The following NRDC variants were observed in gnomAD, a reference collection of about 807,000 sequenced individuals.
NRDC encodes the protein nardilysin convertase.
NRDC carries 54 observed loss-of-function variants against 147.1 expected under a neutral mutation model. The observed-to-expected ratio is 0.37, with a 90% CI of 0.29 to 0.46. The LOEUF (loss-of-function observed/expected upper bound fraction) is 0.46, where lower values mean the gene tolerates loss of function less well. Ranked by LOEUF, NRDC falls within the 20% of genes least tolerant of loss-of-function variation. The pLI, the probability that NRDC is intolerant of heterozygous loss-of-function variation, is 1.00. For synonymous variants in NRDC, 440 were observed against 482.1 expected (o/e 0.91, Z 1.14); for missense variants, 1,082 against 1,370.6 (o/e 0.79, Z 3.33).
intron 1 of NRDC, among the ~76,000 whole-genome samples, chr1:51,873,755 C>T (rs868826858): frequency 6.6e-6 from 1 of 151,666 alleles, no homozygotes; most frequent in Admixed American, 6.6e-5. Context: ...AGATGATCCA[C>T]CCACCTCCGC....
At chr1:51,836,252 C>T (rs1463812550) in intron 2 of NRDC, 40 bp from the exon 3 acceptor site, 1 of 1,598,842 alleles carries the variant, frequency 6.3e-7, no homozygotes, top group Non-Finnish European at 8.6e-7. Flanking sequence ...TGAGTCAACC[C>T]TAAAGGAATA....
chr1:51,845,967 AAAG>A (rs1553213700), intron 1 of NRDC, among the ~76,000 whole-genome samples: 1 of 152,164 alleles, frequency 6.6e-6, no homozygotes, highest in Non-Finnish European at 1.5e-5. Context: ...TTTAAAAAAA[AAAG>A]AAAGCTATGT....
chr1:51,823,832 G>C, intron 6 of NRDC, 46 bp from the exon 7 acceptor site: 1 of 1,428,098 alleles, frequency 7.0e-7, no homozygotes. Flanking sequence ...AGTTAACTTT[G>C]TTAAAAGTCT....
At chr1:51,820,836 AG>A (rs1680178774) in intron 8 of NRDC, among the ~76,000 whole-genome samples, 1 of 152,182 alleles carries the variant, frequency 6.6e-6, no homozygotes, top group African/African-American at 2.4e-5. Context: ...TACTAAGTAC[AG>A]GAAGAAAGAT....
intron 19 of NRDC, among the ~76,000 whole-genome samples, chr1:51,804,169 T>C (rs575632498): frequency 1.3e-5 from 2 of 152,338 alleles, no homozygotes; most frequent in South Asian, 2.1e-4. Flanking sequence ...TCCCAATCTT[T>C]TTCATGTCAT....
At chr1:51,865,151 A>G (rs1682744222) in intron 1 of NRDC, among the ~76,000 whole-genome samples, 1 of 152,048 alleles carries the variant, frequency 6.6e-6, no homozygotes. Context: ...TTCAAAATAA[A>G]ATGAATTTTT....
intron 15 of NRDC, among the ~76,000 whole-genome samples, chr1:51,811,169 G>A (rs190818836): frequency 8.5e-5 from 13 of 152,214 alleles, no homozygotes; most frequent in African/African-American, 3.1e-4. Flanking sequence ...AAGAATGTGT[G>A]GTTGTTCCTT....
At chr1:51,811,331 A>G (rs1264396730) in intron 15 of NRDC, among the ~76,000 whole-genome samples, 3 of 152,236 alleles carry the variant, frequency 2.0e-5, no homozygotes, top group Non-Finnish European at 4.4e-5. Flanking sequence ...TCTGCATTAT[A>G]GGACATTGAG....
intron 4 of NRDC, among the ~76,000 whole-genome samples, chr1:51,833,395 C>T (rs1680804572): frequency 6.7e-6 from 1 of 149,082 alleles, no homozygotes; most frequent in Non-Finnish European, 1.5e-5. Context: ...TGGCCAATTG[C>T]ACCACAGCAC....
At chr1:51,858,650 G>C (rs1682380374) in intron 1 of NRDC, among the ~76,000 whole-genome samples, 2 of 152,098 alleles carry the variant, frequency 1.3e-5, no homozygotes, top group Admixed American at 6.6e-5. Context: ...TTCTTTTTTA[G>C]ATCTATCCAG....
chr1:51,830,203 T>C (rs897944575), intron 4 of NRDC, among the ~76,000 whole-genome samples: 1 of 152,090 alleles, frequency 6.6e-6, no homozygotes. Context: ...GACCTCGTGA[T>C]CCACCCGCCT....
rs751453424 is a variant in NRDC, at chr1:51,840,406, C to G, written c.450G>C (p.Glu150Asp). The G allele has an allele frequency of 6.3e-7, 1 of 1,577,050 alleles. No individual in the cohort carries two copies. Among genetic ancestry groups the G allele is most frequent in the Non-Finnish European group, 8.7e-7 (1 of 1,146,494 alleles). The stretch of plus-strand genomic sequence containing the variant: ...CTTCATCATCATCTTCTTCTTCTTC[C>G]TCCACCTCCTCTTCTTCTTCATCAT... The part of the protein sequence containing the change: ...TTDDEEEEEV[E>D]EEEEDDDEDS... Residue 150 changes from glutamate to aspartate, a missense_variant, in exon 2 of 31, where the codon GAG (glutamate) becomes GAC (aspartate). Glu to Asp is a conservative substitution (Grantham distance 45). This residue lies in a region of NRDC where 260 missense variants were observed against 253.2 expected (regional missense o/e 1.03). Transcript: ENST00000352171.
chr1:51,804,731 T>A (rs1679379944), intron 19 of NRDC, among the ~76,000 whole-genome samples: 1 of 152,152 alleles, frequency 6.6e-6, no homozygotes, highest in South Asian at 2.1e-4. Context: ...AAGTATCTCC[T>A]AGGTTCAGAC....
intron 1 of NRDC, among the ~76,000 whole-genome samples, chr1:51,861,265 C>T (rs1326943615): frequency 2.0e-4 from 22 of 108,066 alleles, no homozygotes; most frequent in African/African-American, 5.8e-4. Flanking sequence ...AGTGGTATTA[C>T]TTTTTTTTTT....
chr1:51,792,558 ATGT>A (rs1177505450), intron 24 of NRDC, 134 bp from the exon 25 acceptor site: 4 of 763,806 alleles, frequency 5.2e-6, no homozygotes, highest in South Asian at 3.2e-5. Context: ...TCATACTTTG[ATGT>A]TGTTTACATA....
At chr1:51,793,610 T>C (rs1358576539) in intron 24 of NRDC, among the ~76,000 whole-genome samples, 2 of 152,190 alleles carry the variant, frequency 1.3e-5, no homozygotes, top group African/African-American at 4.8e-5. Flanking sequence ...ACCAGGATAA[T>C]GTCAGAATAA....
At chr1:51,814,283 C>T in intron 13 of NRDC, 194 bp from the exon 14 acceptor site, 1 of 575,022 alleles carries the variant, frequency 1.7e-6, no homozygotes, top group South Asian at 2.4e-5. Flanking sequence ...ACATATACCC[C>T]TGAACCTAGA....
intron 6 of NRDC, among the ~76,000 whole-genome samples, chr1:51,824,141 T>TA (rs1275361456): frequency 6.7e-6 from 1 of 148,460 alleles, no homozygotes; most frequent in Admixed American, 6.7e-5. Flanking sequence ...TTTTTTTTTT[T>TA]AAAGACGGAG....
intron 9 of NRDC, among the ~76,000 whole-genome samples, chr1:51,819,138 C>A (rs1445646491): frequency 1.3e-5 from 2 of 152,152 alleles, no homozygotes; most frequent in East Asian, 1.9e-4. Flanking sequence ...CCTGTCTCTA[C>A]TAAAAACACA....
Sources: gnomAD v4.1 joint callset for allele counts (sites outside exome capture counted in the v4.1 genomes callset) on GRCh38, gnomAD v4.1.1 for gene constraint, gnomAD v4.1.1 regional missense constraint, MANE v1.5 for transcripts, NCBI Gene and HGNC (gene_info 2026-07-23, HGNC 2026-07-21) for gene names.